CECR2: variants seen among roughly 807,000 people sequenced by gnomAD.
The protein encoded by CECR2 is CECR2 histone acetyl-lysine reader.
Under a neutral mutation model 154.5 loss-of-function variants are expected in CECR2, and 30 were observed. The ratio of observed to expected loss-of-function variants is 0.19; its 90% CI spans 0.15 to 0.26. The LOEUF (loss-of-function observed/expected upper bound fraction) is 0.26. Among genes scored for constraint, CECR2 ranks in the 10% least tolerant of loss-of-function variants. The pLI, the probability that CECR2 is intolerant of heterozygous loss-of-function variation, is 1.00. For synonymous variants in CECR2, 725 were observed against 683.7 expected, an observed-to-expected ratio of 1.06 and a Z score of -0.94; for missense variants, 1,743 against 1,829.3, an observed-to-expected ratio of 0.95 and a Z score of 0.86.
At chr22:17,424,937 AGAC>A (rs2146615575) in intron 1 of CECR2, among the ~76,000 whole-genome samples, 1 of 152,358 alleles carries the variant, frequency 6.6e-6, no homozygotes, top group African/African-American at 2.4e-5. Flanking sequence ...GTGTTTTGCC[AGAC>A]AACAGAGAGG....
rs375582437 is a variant in CECR2 at position 17,542,446 on chromosome 22, G to A, written c.2303G>A (p.Arg768Gln). ...TATCGATCGTACAAGTACCTGAATC[G>A]AGTACACTCTGCCGTCTGGAATGGG... ...HMYRSYKYLNRVHSAVWNGNH... is the reference protein window; with the variant it reads ...HMYRSYKYLNQVHSAVWNGNH... Residue 768 changes from arginine to glutamine, a missense_variant, in exon 16 of 19, where the codon CGA (arginine) becomes CAA (glutamine). Around this residue, in one of 4 missense-constraint regions of CECR2, gnomAD observed 1,250 missense variants for 1,192.1 expected, o/e 1.05. Transcript: ENST00000262608. 1.6e-4 allele frequency: 255 copies of A among 1,613,874 alleles called. 1 individual carries two copies. The highest frequency in any genetic ancestry group is 2.0e-4 in the Non-Finnish European group (231 of 1,179,878).
intron 1 of CECR2, among the ~76,000 whole-genome samples, chr22:17,445,546 A>ATTATTATTG (rs2054646465): frequency 8.7e-5 from 2 of 22,862 alleles, no homozygotes; most frequent in African/African-American, 5.0e-4. Flanking sequence ...TCTATACTTT[A>ATTATTATTG]TTATTATTAT....
chr22:17,455,161 A>T (rs2054833775), intron 1 of CECR2, among the ~76,000 whole-genome samples: 1 of 152,264 alleles, frequency 6.6e-6, no homozygotes, highest in Non-Finnish European at 1.5e-5. Context: ...AGGAAGAGGA[A>T]CAGGCTATGA....
At chr22:17,460,621 C>G (rs1229655701) in intron 1 of CECR2, among the ~76,000 whole-genome samples, 1 of 152,178 alleles carries the variant, frequency 6.6e-6, no homozygotes, top group Non-Finnish European at 1.5e-5. Context: ...CATCAGTTTT[C>G]TCTTCCCCTC....
intron 1 of CECR2, among the ~76,000 whole-genome samples, chr22:17,387,453 A>G (rs2063276934): frequency 6.6e-6 from 1 of 152,212 alleles, no homozygotes; most frequent in Admixed American, 6.5e-5. Context: ...CACAGCCAGA[A>G]TCTTACAGAT....
intron 16 of CECR2, among the ~76,000 whole-genome samples, chr22:17,543,586 G>A (rs927211630): frequency 1.3e-5 from 2 of 149,224 alleles, no homozygotes; most frequent in African/African-American, 2.5e-5. Context: ...TTTTGAGACA[G>A]AGTCCCACTC....
chr22:17,370,442 C>T (rs1164554710), intron 1 of CECR2, among the ~76,000 whole-genome samples: 1 of 151,758 alleles, frequency 6.6e-6, no homozygotes, highest in Non-Finnish European at 1.5e-5. Context: ...CCCCAAGCTC[C>T]CGGGAGGCGC....
At chr22:17,476,111 T>A (rs1345826898) in intron 1 of CECR2, among the ~76,000 whole-genome samples, 1 of 150,524 alleles carries the variant, frequency 6.6e-6, no homozygotes, top group Non-Finnish European at 1.5e-5. Flanking sequence ...CTGAACCTAA[T>A]ATCCTCCTGC....
At chr22:17,552,774 G>GTGTTTTT (rs2056727492) in intron 18 of CECR2, 61 bp from the exon 19 acceptor site, 4 of 933,470 alleles carry the variant, frequency 4.3e-6, no homozygotes, top group South Asian at 1.6e-5. Flanking sequence ...GCTTACTTAA[G>GTGTTTTT]TTTTTTTTTT....
At position 17,518,198 on chromosome 22, in the gene CECR2, AGG is replaced by A. The variant is rs1385305450; in HGVS notation, c.955-5919_955-5918del. 2.0e-3 allele frequency among the ~76,000 whole-genome samples: 311 copies of A among 152,298 alleles called. 2 individuals carry two copies. Among genetic ancestry groups the A allele is most frequent in the African/African-American group, 7.2e-3 (299 of 41,572 alleles). ...TTTATTAGGAGAGAGAGCCATTCTGAGGAGCGTTTACATAAATTAAGTGATTA... is the reference window on the plus strand; with the variant it reads ...TTTATTAGGAGAGAGAGCCATTCTGAAGCGTTTACATAAATTAAGTGATTA... On this transcript the variant is annotated intron_variant, in intron 8 of 18. Coordinates refer to ENST00000262608, the MANE Select transcript of CECR2 (RefSeq NM_001290047.2).
intron 1 of CECR2, among the ~76,000 whole-genome samples, chr22:17,441,451 A>G (rs142611898): frequency 6.6e-6 from 1 of 152,288 alleles, no homozygotes; most frequent in African/African-American, 2.4e-5. Context: ...TAATATTTGT[A>G]TTGTAGTATG....
intron 2 of CECR2, among the ~76,000 whole-genome samples, chr22:17,488,788 T>A (rs2055471288): frequency 6.6e-6 from 1 of 152,234 alleles, no homozygotes; most frequent in African/African-American, 2.4e-5. Flanking sequence ...CAAATGCTTG[T>A]GTGCACTTAA....
rs999426100 is a variant in CECR2, at chr22:17,504,687, C to T, written c.701-160C>T. Among the ~76,000 whole-genome samples the T allele has an allele frequency of 5.3e-5, 8 of 150,908 alleles. No homozygotes were observed. In the South Asian group the frequency reaches 8.4e-4, roughly 16 times the overall value. The stretch of plus-strand genomic sequence containing the variant: ...CGATCTCCTGACCTCGTGATCCGCC[C>T]GCCTCGGCCTCCCAAAGTGCTGGGA... On this transcript the variant is annotated intron_variant, in intron 6 of 18. Transcript: ENST00000262608.
intron 1 of CECR2, among the ~76,000 whole-genome samples, chr22:17,371,031 TG>T (rs2146437116): frequency 6.6e-6 from 1 of 152,198 alleles, no homozygotes; most frequent in Non-Finnish European, 1.5e-5. Flanking sequence ...AGCAAATCGT[TG>T]TTGTTGCCTC....
intron 1 of CECR2, among the ~76,000 whole-genome samples, chr22:17,464,745 C>T (rs1184783452): frequency 6.6e-6 from 1 of 152,146 alleles, no homozygotes; most frequent in Non-Finnish European, 1.5e-5. Flanking sequence ...AAGCAGTCCT[C>T]CCACTTCAGT....
chr22:17,531,830 C>G (rs779243436), intron 9 of CECR2, among the ~76,000 whole-genome samples: 1 of 152,130 alleles, frequency 6.6e-6, no homozygotes, highest in Non-Finnish European at 1.5e-5. Context: ...AGAGGATGTT[C>G]TTAATAGTGA....
chr22:17,504,267 G>C (rs893422022), intron 6 of CECR2, among the ~76,000 whole-genome samples: 39 of 151,732 alleles, frequency 2.6e-4, no homozygotes, highest in Admixed American at 3.9e-4. Context: ...CAGCTACTTG[G>C]GGGGTGCTGA....
intron 1 of CECR2, among the ~76,000 whole-genome samples, chr22:17,382,483 G>A (rs2063209715): frequency 6.6e-6 from 1 of 152,110 alleles, no homozygotes; most frequent in African/African-American, 2.4e-5. Context: ...GGTGAATATT[G>A]CAGTAAAGTG....
chr22:17,449,874 C>T (rs1383493619), intron 1 of CECR2, among the ~76,000 whole-genome samples: 9 of 152,184 alleles, frequency 5.9e-5, no homozygotes, highest in East Asian at 5.8e-4. Flanking sequence ...GTTTTTCCCC[C>T]GGAAATGTCA....
Sources: gnomAD v4.1 joint callset for allele counts (sites outside exome capture counted in the v4.1 genomes callset) on GRCh38, gnomAD v4.1.1 for gene constraint, gnomAD v4.1.1 regional missense constraint, MANE v1.5 for transcripts, NCBI Gene and HGNC (gene_info 2026-07-23, HGNC 2026-07-21) for gene names.